Variants in GRIP1 observed in about 807,000 individuals in gnomAD.
GRIP1 encodes the protein glutamate receptor-interacting protein 1.
A neutral mutation model predicts 129.9 loss-of-function variants in GRIP1; 45 were observed. That is an observed-to-expected ratio of 0.35 (90% CI 0.27 to 0.44). GRIP1 has a LOEUF of 0.44. Ranked by LOEUF, GRIP1 falls within the 20% of genes least tolerant of loss-of-function variation. The pLI, the probability that GRIP1 is intolerant of heterozygous loss-of-function variation, is 1.00. For missense variants in GRIP1, 1,196 were observed against 1,396.8 expected, an observed-to-expected ratio of 0.86 and a Z score of 2.29; for synonymous variants, 530 against 520.8, an observed-to-expected ratio of 1.02 and a Z score of -0.24.
chr12:67,024,235 A>T (rs2042908343), intron 1 of GRIP1, among the ~76,000 whole-genome samples: 1 of 152,206 alleles, frequency 6.6e-6, no homozygotes, highest in Non-Finnish European at 1.5e-5. Flanking sequence ...ACAAATAATC[A>T]AGATGCCCAA....
At chr12:66,749,189 C>A in intron 1 of GRIP1, among the ~76,000 whole-genome samples, 1 of 152,294 alleles carries the variant, frequency 6.6e-6, no homozygotes, top group South Asian at 2.1e-4. Flanking sequence ...AGAATGTGAA[C>A]TACTCACGAA....
intron 11 of GRIP1, among the ~76,000 whole-genome samples, chr12:66,448,619 T>C (rs2058695441): frequency 6.6e-6 from 1 of 152,112 alleles, no homozygotes; most frequent in African/African-American, 2.4e-5. Context: ...ATTTCCCTAC[T>C]CAATGGATAT....
chr12:66,705,082 G>A (rs2035480864), intron 1 of GRIP1, among the ~76,000 whole-genome samples: 1 of 152,026 alleles, frequency 6.6e-6, no homozygotes, highest in Non-Finnish European at 1.5e-5. Flanking sequence ...TGAATGAAGG[G>A]ATGCATTAAT....
At chr12:66,774,764 A>T (rs1036922288) in intron 1 of GRIP1, among the ~76,000 whole-genome samples, 1 of 152,222 alleles carries the variant, frequency 6.6e-6, no homozygotes, top group Non-Finnish European at 1.5e-5. Context: ...TACTGTTTGG[A>T]GAGTGCTTTA....
chr12:66,655,575 T>C (rs761313047), intron 1 of GRIP1, among the ~76,000 whole-genome samples: 1 of 151,594 alleles, frequency 6.6e-6, no homozygotes, highest in Non-Finnish European at 1.5e-5. Context: ...GTATCCACCA[T>C]ACACTAATAT....
intron 1 of GRIP1, among the ~76,000 whole-genome samples, chr12:66,785,118 A>T (rs1436567361): frequency 1.3e-5 from 2 of 151,834 alleles, no homozygotes; most frequent in African/African-American, 2.4e-5. Flanking sequence ...ATAAAAAGGT[A>T]GATATAAGAA....
chr12:67,066,549 T>C (rs2043629396), intron 1 of GRIP1, among the ~76,000 whole-genome samples: 1 of 152,156 alleles, frequency 6.6e-6, no homozygotes, highest in Non-Finnish European at 1.5e-5. Context: ...CAACCAACCT[T>C]AGAATTTAAT....
At chr12:66,797,981 GT>G (rs1398099201) in intron 1 of GRIP1, among the ~76,000 whole-genome samples, 2 of 150,408 alleles carry the variant, frequency 1.3e-5, no homozygotes, top group Admixed American at 6.8e-5. Flanking sequence ...AATTATCACA[GT>G]TTTGATCAAT....
At chr12:66,948,329 G>A (rs1205084578) in intron 1 of GRIP1, among the ~76,000 whole-genome samples, 1 of 152,084 alleles carries the variant, frequency 6.6e-6, no homozygotes, top group Non-Finnish European at 1.5e-5. Flanking sequence ...TCCTTCTTCT[G>A]TTCATTCTTC....
chr12:66,738,893 C>T (rs1296838521), intron 1 of GRIP1, among the ~76,000 whole-genome samples: 2 of 152,216 alleles, frequency 1.3e-5, no homozygotes, highest in Non-Finnish European at 2.9e-5. Context: ...CCTCTCCACT[C>T]ATGCCAGAAG....
chr12:66,725,427 T>C (rs571322240), intron 1 of GRIP1, among the ~76,000 whole-genome samples: 1 of 152,334 alleles, frequency 6.6e-6, no homozygotes, highest in East Asian at 1.9e-4. Flanking sequence ...ATATTAACTT[T>C]ACAGTTTTTT....
chr12:66,682,271 C>A (rs567771708), upstream of GRIP1, among the ~76,000 whole-genome samples: 1 of 152,120 alleles, frequency 6.6e-6, no homozygotes, highest in Non-Finnish European at 1.5e-5. Context: ...CTAGGACCAC[C>A]CTGACCAGAA....
intron 19 of GRIP1, among the ~76,000 whole-genome samples, chr12:66,389,664 A>T (rs948558273): frequency 6.6e-6 from 1 of 152,218 alleles, no homozygotes; most frequent in African/African-American, 2.4e-5. Context: ...AAAATGAGTG[A>T]CAGATGTGCC....
intron 1 of GRIP1, among the ~76,000 whole-genome samples, chr12:66,723,283 C>T (rs75981182): frequency 0.18 from 5,266 of 29,262 alleles, 421 homozygotes; most frequent in African/African-American, 0.31. Context: ...TTCCTTCCTT[C>T]CTTTCTTTCT....
At position 66,896,167 on chromosome 12, in the gene GRIP1, G is replaced by C. The variant is rs1504317; in HGVS notation, c.58+172883C>G. On this transcript the variant is annotated intron_variant, in intron 1 of 1. Transcript: ENST00000643019. ...CAAGAGACTGGAGCTTGCTACAAGG[G>C]TGACCTAAGAGAATTCTGTGATGGG... 1.0e-3 allele frequency among the ~76,000 whole-genome samples: 152 copies of C among 152,280 alleles called. 4 individuals carry two copies. In the East Asian group the frequency reaches 0.028, roughly 28 times the overall value.
At chr12:66,770,777 T>C (rs1486388824) in intron 1 of GRIP1, among the ~76,000 whole-genome samples, 1 of 152,154 alleles carries the variant, frequency 6.6e-6, no homozygotes, top group Non-Finnish European at 1.5e-5. Context: ...CCTCCACTTA[T>C]TTTACCAGAC....
At chr12:66,429,785 G>A (rs1470522435) in intron 14 of GRIP1, among the ~76,000 whole-genome samples, 5 of 152,140 alleles carry the variant, frequency 3.3e-5, no homozygotes, top group Non-Finnish European at 7.4e-5. Context: ...ATTAATGTTT[G>A]TTAGGGTTCA....
At chr12:66,719,984 AAAATTATTTT>A (rs2036010934) in intron 1 of GRIP1, among the ~76,000 whole-genome samples, 1 of 152,200 alleles carries the variant, frequency 6.6e-6, no homozygotes, top group Non-Finnish European at 1.5e-5. Context: ...AGAGAAAGTT[AAAATTATTTT>A]GCCTATTCTC....
intron 19 of GRIP1, among the ~76,000 whole-genome samples, chr12:66,391,030 GT>G (rs1199967984): frequency 6.6e-6 from 1 of 151,742 alleles, no homozygotes; most frequent in Non-Finnish European, 1.5e-5. Context: ...TTTTTTTCCA[GT>G]TTTTTCTCCC....
Sources: allele counts gnomAD v4.1 joint callset (sites outside exome capture counted in the v4.1 genomes callset), GRCh38; gene constraint gnomAD v4.1.1; transcripts MANE v1.5; gene names NCBI Gene and HGNC (gene_info 2026-07-23, HGNC 2026-07-21).